The following ARHGAP8 variants were observed in gnomAD, a reference collection of about 807,000 sequenced individuals.
ARHGAP8 encodes the protein rho GTPase-activating protein 8.
In ARHGAP8, 62 loss-of-function variants were observed where a neutral mutation model predicts 46.1. That is an observed-to-expected ratio of 1.34 (90% CI 1.10 to 1.66). The LOEUF (loss-of-function observed/expected upper bound fraction) is 1.66. Ranked by LOEUF, ARHGAP8 falls within the 40% of genes most tolerant of loss-of-function variation. ARHGAP8 has a pLI of 0.00. For missense variants in ARHGAP8, 923 were observed against 568.4 expected, an observed-to-expected ratio of 1.62 and a Z score of -6.34; for synonymous variants, 375 against 243.1, an observed-to-expected ratio of 1.54 and a Z score of -5.05.
chr22:44,821,074 C>T (rs999881457), intron 5 of ARHGAP8, among the ~76,000 whole-genome samples: 2 of 152,194 alleles, frequency 1.3e-5, no homozygotes, highest in Non-Finnish European at 2.9e-5. Context: ...AAAATATCTT[C>T]GGTTTGGCTG....
chr22:44,799,861 TGTCAG>T (rs1720137817), intron 2 of ARHGAP8, among the ~76,000 whole-genome samples: 1 of 151,228 alleles, frequency 6.6e-6, no homozygotes, highest in African/African-American at 2.4e-5. Flanking sequence ...CTTGAGTCAC[TGTCAG>T]GGCCTTCCCC....
intron 1 of ARHGAP8, 62 bp from the exon 2 acceptor site, chr22:44,786,395 G>A: frequency 6.5e-7 from 1 of 1,528,894 alleles, no homozygotes; most frequent in Non-Finnish European, 8.8e-7. Context: ...GCATCAGGAG[G>A]CTCCCTCATT....
At chr22:44,838,908 CTTG>C (rs139911828) in intron 7 of ARHGAP8, among the ~76,000 whole-genome samples, 57,523 of 151,904 alleles carry the variant, frequency 0.38, 11,920 homozygotes, top group African/African-American at 0.55. Context: ...CTGCACCTCC[CTTG>C]TTGTTTAATA....
chr22:44,762,603 GCA>G (rs1254244813), intron 1 of ARHGAP8, among the ~76,000 whole-genome samples: 1 of 149,028 alleles, frequency 6.7e-6, no homozygotes, highest in African/African-American at 2.5e-5. Flanking sequence ...CAGTGCAGTG[GCA>G]CAGTCTCGGC....
At chr22:44,788,075 G>A (rs1451281337) in intron 2 of ARHGAP8, among the ~76,000 whole-genome samples, 4 of 148,530 alleles carry the variant, frequency 2.7e-5, no homozygotes, top group Non-Finnish European at 5.9e-5. Flanking sequence ...AATTTATATA[G>A]TGTTTAAAAT....
intron 7 of ARHGAP8, among the ~76,000 whole-genome samples, chr22:44,836,562 C>T (rs10427970): frequency 6.9e-4 from 104 of 151,184 alleles, no homozygotes; most frequent in African/African-American, 2.3e-3. Context: ...CCTCAGTACA[C>T]AGTAGGTCCT....
At chr22:44,762,777 T>C (rs9614907) in intron 1 of ARHGAP8, among the ~76,000 whole-genome samples, 134,901 of 151,964 alleles carry the variant, frequency 0.89, 59,997 homozygotes, top group South Asian at 0.94. Context: ...CTCCTGACCT[T>C]AGGTAATCCA....
At chr22:44,806,297 C>G (rs1928915658) in intron 3 of ARHGAP8, among the ~76,000 whole-genome samples, 2 of 152,162 alleles carry the variant, frequency 1.3e-5, no homozygotes, top group South Asian at 4.1e-4. Flanking sequence ...GTGTTCGAGA[C>G]AGCACTCTGG....
intron 7 of ARHGAP8, among the ~76,000 whole-genome samples, chr22:44,838,652 C>T (rs1931449539): frequency 1.3e-5 from 2 of 152,208 alleles, no homozygotes; most frequent in African/African-American, 4.8e-5. Flanking sequence ...CCTCATAACT[C>T]CACATTGTCC....
intron 1 of ARHGAP8, among the ~76,000 whole-genome samples, chr22:44,763,802 C>CTTTTT (rs201584311): frequency 1.1e-5 from 1 of 91,398 alleles, no homozygotes; most frequent in African/African-American, 3.8e-5. Flanking sequence ...TTTTTCTTTT[C>CTTTTT]TTTTTTTTTT....
intron 11 of ARHGAP8, 129 bp from the exon 12 acceptor site, chr22:44,862,123 GTGGCTGCACAGGGTCCCCATTAC>G: frequency 1.1e-6 from 1 of 877,966 alleles, no homozygotes; most frequent in East Asian, 2.8e-5. Context: ...GAGTGGGCAG[GTGGCTGCACAGGGTCCCCATTAC>G]TGGCTGCCGG....
At chr22:44,785,383 G>A (rs1443787991) in intron 1 of ARHGAP8, among the ~76,000 whole-genome samples, 1 of 152,128 alleles carries the variant, frequency 6.6e-6, no homozygotes, top group African/African-American at 2.4e-5. Flanking sequence ...CTGCAGAGCT[G>A]CACTTTCCCG....
chr22:44,861,498 CTCACCTGAGCATCCTCAACAG>C (rs2070482271), intron 11 of ARHGAP8, among the ~76,000 whole-genome samples: 2 of 152,082 alleles, frequency 1.3e-5, no homozygotes, highest in African/African-American at 4.8e-5. Context: ...ATCCAGCCAT[CTCACCTGAGCATCCTCAACAG>C]ATCTGTGAGG....
intron 1 of ARHGAP8, among the ~76,000 whole-genome samples, chr22:44,766,508 G>A (rs1925581497): frequency 6.6e-6 from 1 of 152,048 alleles, no homozygotes; most frequent in Non-Finnish European, 1.5e-5. Flanking sequence ...GTGTCTCTGT[G>A]CATGTCTGTG....
At position 44,815,158 on chromosome 22, in the gene ARHGAP8, A is replaced by G. The variant is rs191447658; in HGVS notation, c.386+400A>G. Among the ~76,000 whole-genome samples the G allele has an allele frequency of 9.2e-5, 14 of 152,336 alleles. No individual in the cohort carries two copies. The East Asian group carries it at 1.9e-3, about 21-fold the overall frequency. On this transcript the variant is annotated intron_variant, in intron 5 of 11. Coordinates refer to ENST00000356099, the MANE Select transcript of ARHGAP8 (RefSeq NM_181335.3). ...CAAAGGTAAAAGGCACACAAGGCTG[A>G]GTCCAGGAGGACCAAGTGCAAGTTC...
intron 1 of ARHGAP8, among the ~76,000 whole-genome samples, chr22:44,759,683 G>A (rs1275334723): frequency 6.6e-6 from 1 of 152,212 alleles, no homozygotes; most frequent in African/African-American, 2.4e-5. Context: ...TGTCTCAGAA[G>A]TATCCTGGAG....
At chr22:44,763,267 C>T (rs960556450) in intron 1 of ARHGAP8, among the ~76,000 whole-genome samples, 7 of 151,810 alleles carry the variant, frequency 4.6e-5, no homozygotes, top group East Asian at 1.9e-4. Context: ...GAGGCCAAGG[C>T]GGGTGGATCA....
intron 11 of ARHGAP8, 48 bp from the exon 12 acceptor site, chr22:44,862,227 G>T (rs377435528): frequency 2.7e-5 from 42 of 1,536,096 alleles, no homozygotes; most frequent in Non-Finnish European, 3.5e-5. Context: ...CCAGGTGCCC[G>T]TGCCCCTTGG....
intron 7 of ARHGAP8, among the ~76,000 whole-genome samples, chr22:44,829,300 A>G (rs1318898416): frequency 4.0e-5 from 6 of 151,400 alleles, no homozygotes; most frequent in Non-Finnish European, 8.8e-5. Context: ...CAAAAAAGAA[A>G]AAAAAAAAAG....
Sources: allele counts gnomAD v4.1 joint callset (sites outside exome capture counted in the v4.1 genomes callset), GRCh38; gene constraint gnomAD v4.1.1; transcripts MANE v1.5; gene names NCBI Gene and HGNC (gene_info 2026-07-23, HGNC 2026-07-21).